RS1: variants seen among roughly 807,000 people sequenced by gnomAD.
The protein encoded by RS1 is retinoschisin 1, also known as retinoschisin.
RS1 carries 2 observed loss-of-function variants against 20.8 expected under a neutral mutation model. That is an observed-to-expected ratio of 0.10 (90% CI 0.04 to 0.30). The LOEUF (loss-of-function observed/expected upper bound fraction) is 0.30. Among genes scored for constraint, RS1 ranks in the 10% least tolerant of loss-of-function variants. RS1 has a pLI of 1.00. For synonymous variants in RS1, 70 were observed against 75.8 expected (o/e 0.92, Z 0.40); for missense variants, 151 against 189.8 (o/e 0.80, Z 1.20).
intron 3 of RS1, among the ~76,000 whole-genome samples, chrX:18,652,323 C>T (rs1019669657): frequency 8.9e-6 from 1 of 111,896 alleles, no homozygotes; most frequent in African/African-American, 3.2e-5. Flanking sequence ...CAAAAGAAAC[C>T]ATAAATTGAG....
At chrX:18,663,717 G>A (rs1377406580) in intron 1 of RS1, among the ~76,000 whole-genome samples, 1 of 111,412 alleles carries the variant, frequency 9.0e-6, no homozygotes, top group Non-Finnish European at 1.9e-5. Context: ...AATGTTGGGT[G>A]CTGTCAGTCC....
chrX:18,641,915 C>T lies in RS1; in HGVS notation c.*89G>A. On this transcript the variant is annotated 3_prime_UTR_variant, in exon 6 of 6. Transcript: ENST00000379984. Reference sequence around the variant, plus strand: ...GTTACAATTGCTTTGCGAAATATAGCCCTGTCCATCTCGGTGGTGTGTGAG... The same window carrying T: ...GTTACAATTGCTTTGCGAAATATAGTCCTGTCCATCTCGGTGGTGTGTGAG... The T allele has an allele frequency of 2.9e-6, 3 of 1,025,126 alleles. No individual in the cohort carries two copies. The highest frequency in any genetic ancestry group is 4.1e-6 in the Non-Finnish European group (3 of 733,622). The allele number at this position is 1,025,126 out of a possible 1,213,427, so 84.5% of individuals were successfully genotyped here.
intron 1 of RS1, among the ~76,000 whole-genome samples, chrX:18,657,937 G>A (rs1928247133): frequency 9.0e-6 from 1 of 111,535 alleles, no homozygotes; most frequent in African/African-American, 3.3e-5. Context: ...TTGGGAGGCC[G>A]AGGCGGGCCT....
Position 18,642,193 on chromosome X carries a change from G to T in RS1, c.523-37C>A, listed in dbSNP as rs189368688. 173 of 1,187,384 alleles carry T rather than the reference G, an allele frequency of 1.5e-4. No individual in the cohort carries two copies. The African/African-American group carries it at 2.7e-3, about 18-fold the overall frequency. On this transcript the variant is annotated intron_variant, in intron 5 of 5. Coordinates refer to ENST00000379984, the MANE Select transcript of RS1 (RefSeq NM_000330.4). ...GAGGAAATCCTGTCACCATCACATCGGGGAGGGAAAAGGAAGAAGGGTTCC... is the reference window on the plus strand; with the variant it reads ...GAGGAAATCCTGTCACCATCACATCTGGGAGGGAAAAGGAAGAAGGGTTCC...
chrX:18,641,857 T>TA lies in RS1; in HGVS notation c.*146dup, dbSNP rs377648180. The TA allele has an allele frequency of 0.028, 11,437 of 412,744 alleles. No homozygotes were observed. The highest frequency in any genetic ancestry group is 0.031 in the Non-Finnish European group (8,079 of 259,891). 34.0% of individuals were successfully genotyped at this position (412,744 alleles called of 1,213,427 possible). On this transcript the variant is annotated 3_prime_UTR_variant, in exon 6 of 6. Coordinates refer to ENST00000379984, the MANE Select transcript of RS1 (RefSeq NM_000330.4). ...TCATTGAAATCAGAAAGCTATATCT[T>TA]AAAAAAAAAAAAATTATCTACCCAG... is the stretch of plus-strand genomic sequence containing the variant.
intron 1 of RS1, 77 bp from the exon 2 acceptor site, chrX:18,657,742 AG>A: frequency 1.2e-6 from 1 of 847,126 alleles, no homozygotes; most frequent in Non-Finnish European, 1.8e-6. Context: ...TACATGGAAA[AG>A]TGAAATAGAA....
intron 1 of RS1, among the ~76,000 whole-genome samples, chrX:18,661,345 T>C (rs1928304381): frequency 9.0e-6 from 1 of 111,343 alleles, no homozygotes; most frequent in Admixed American, 9.5e-5. Context: ...TGGGGGAGCA[T>C]ACAGACGGGC....
At chrX:18,668,151 A>G (rs748591737) in intron 1 of RS1, among the ~76,000 whole-genome samples, 2 of 112,374 alleles carry the variant, frequency 1.8e-5, no homozygotes, top group South Asian at 7.3e-4. Flanking sequence ...ATGTGGTTGC[A>G]TATTTTTCTC....
chrX:18,670,858 C>T (rs188191961), intron 1 of RS1, among the ~76,000 whole-genome samples: 88 of 112,033 alleles, frequency 7.9e-4, no homozygotes, highest in African/African-American at 2.6e-3. Context: ...TTTACATGAT[C>T]CCTACTTAGA....
At position 18,650,442 on chromosome X, in the gene RS1, C is replaced by A. The variant is rs200236257; in HGVS notation, c.185-3110G>T. 2.6e-5 allele frequency: 32 copies of A among 1,210,369 alleles called. No homozygotes were observed. Among genetic ancestry groups the A allele is most frequent in the Admixed American group, 4.4e-5 (2 of 45,843 alleles). On this transcript the variant is annotated intron_variant, in intron 3 of 5. Coordinates refer to ENST00000379984, the MANE Select transcript of RS1 (RefSeq NM_000330.4). ...CTTCTGCTGTGGTGACCCAAAGAAG[C>A]CTCACACTCCGTGCGTCCCAAACCG...
In RS1 at chrX:18,657,601, A is replaced by C. The variant is rs777739393; in HGVS notation, c.78+39T>G. 4.6e-6 allele frequency: 5 copies of C among 1,095,423 alleles called. No homozygotes were observed. The Admixed American group carries it at 1.1e-4, about 24-fold the overall frequency. The allele number at this position is 1,095,423 out of a possible 1,213,427, so 90.3% of individuals were successfully genotyped here. On this transcript the variant is annotated intron_variant, in intron 2 of 5. Transcript: ENST00000379984. The stretch of plus-strand genomic sequence containing the variant: ...TTTGGCTAGGAAAATTTTCAAAAGT[A>C]CTATGCATGTACATTACAGCCTTCT...
intron 1 of RS1, 95 bp downstream of exon 1, chrX:18,671,919 ATAT>A: frequency 1.4e-6 from 1 of 732,419 alleles, no homozygotes; most frequent in Non-Finnish European, 2.1e-6. Flanking sequence ...CTAATTAATA[ATAT>A]TTATATTATT....
chrX:18,664,496 T>C (rs918331176), intron 1 of RS1, among the ~76,000 whole-genome samples: 1 of 110,799 alleles, frequency 9.0e-6, no homozygotes, highest in Non-Finnish European at 1.9e-5. Flanking sequence ...GCCATGGTGG[T>C]GCACACCTGT....
At chrX:18,664,585 G>A (rs1472912702) in intron 1 of RS1, among the ~76,000 whole-genome samples, 2 of 111,372 alleles carry the variant, frequency 1.8e-5, no homozygotes, top group African/African-American at 3.3e-5. Flanking sequence ...TCAAGATCAC[G>A]CCACTGTACT....
intron 1 of RS1, among the ~76,000 whole-genome samples, chrX:18,662,012 C>G (rs1260536128): frequency 9.0e-6 from 1 of 111,515 alleles, no homozygotes; most frequent in African/African-American, 3.3e-5. Flanking sequence ...GGGTGGAGCC[C>G]GAGGCAGGGA....
chrX:18,660,151 C>G (rs1329805579), intron 1 of RS1, among the ~76,000 whole-genome samples: 1 of 111,221 alleles, frequency 9.0e-6, no homozygotes, highest in African/African-American at 3.3e-5. Context: ...GGTTTTCCCT[C>G]ATTAATCTGT....
At chrX:18,647,602 G>A (rs1191414957) in intron 3 of RS1, 1 of 359,028 alleles carries the variant, frequency 2.8e-6, no homozygotes, top group East Asian at 4.8e-5. Flanking sequence ...AACTTCACAA[G>A]GGGTGTGTGG....
At chrX:18,642,243 A>T (rs1927611994) in intron 5 of RS1, 87 bp from the exon 6 acceptor site, 2 of 1,015,151 alleles carry the variant, frequency 2.0e-6, no homozygotes, top group Non-Finnish European at 2.8e-6. Context: ...CCCAACTTTT[A>T]ACTATAGAAA....
At chrX:18,666,785 C>T (rs769037721) in intron 1 of RS1, among the ~76,000 whole-genome samples, 4 of 110,263 alleles carry the variant, frequency 3.6e-5, no homozygotes, top group East Asian at 2.9e-4. Context: ...GGGCAGATTA[C>T]GCGTGGCAGG....
Sources: allele counts gnomAD v4.1 joint callset (sites outside exome capture counted in the v4.1 genomes callset), GRCh38; gene constraint gnomAD v4.1.1; transcripts MANE v1.5; gene names NCBI Gene and HGNC (gene_info 2026-07-23, HGNC 2026-07-21).